ICA1: variants seen among roughly 807,000 people sequenced by gnomAD.
ICA1 encodes the protein islet cell autoantigen 1.
In ICA1, 40 loss-of-function variants were observed where a neutral mutation model predicts 71.0. The observed-to-expected ratio is 0.56, with a 90% CI of 0.44 to 0.73. The LOEUF is 0.73. ICA1 is among the 30% of genes least tolerant of loss of function. The pLI is 0.00. For synonymous variants in ICA1, 207 were observed against 209.5 expected (o/e 0.99, Z 0.10); for missense variants, 578 against 576.5 (o/e 1.00, Z -0.03).
At chr7:8,188,028 C>G (rs891857888) in intron 6 of ICA1, among the ~76,000 whole-genome samples, 1 of 152,180 alleles carries the variant, frequency 6.6e-6, no homozygotes, top group African/African-American at 2.4e-5. Flanking sequence ...AGGAGATGCT[C>G]ACTGCAGAGA....
intron 13 of ICA1, among the ~76,000 whole-genome samples, chr7:8,127,611 G>T (rs535125628): frequency 6.6e-6 from 1 of 152,176 alleles, no homozygotes; most frequent in East Asian, 1.9e-4. Flanking sequence ...TATGCCACAA[G>T]AAGTCTAAAA....
chr7:8,193,052 G>T (rs1786245673), intron 6 of ICA1, among the ~76,000 whole-genome samples: 1 of 152,156 alleles, frequency 6.6e-6, no homozygotes, highest in South Asian at 2.1e-4. Flanking sequence ...TAGAAACAAA[G>T]ATCTGGTTTC....
chr7:8,118,815 C>T (rs1410957081), intron 13 of ICA1, among the ~76,000 whole-genome samples: 2 of 152,196 alleles, frequency 1.3e-5, no homozygotes, highest in Non-Finnish European at 2.9e-5. Context: ...CTGCAGCTTG[C>T]CCTCAGTCTC....
chr7:8,146,491 A>G (rs1331250325), intron 8 of ICA1, among the ~76,000 whole-genome samples: 1 of 152,136 alleles, frequency 6.6e-6, no homozygotes, highest in Non-Finnish European at 1.5e-5. Flanking sequence ...ATATTCATCA[A>G]TATTTAACAT....
intron 4 of ICA1, among the ~76,000 whole-genome samples, chr7:8,224,236 T>A (rs1797948025): frequency 6.6e-6 from 1 of 152,082 alleles, no homozygotes; most frequent in Admixed American, 6.6e-5. Context: ...TAGGCTGAGT[T>A]CTGAATGACG....
intron 9 of ICA1, among the ~76,000 whole-genome samples, chr7:8,143,426 C>T (rs960824433): frequency 6.6e-6 from 1 of 152,300 alleles, no homozygotes; most frequent in South Asian, 2.1e-4. Flanking sequence ...TATGATGATG[C>T]CTTAGTATGC....
chr7:8,115,543 C>T (rs538782498), intron 13 of ICA1, among the ~76,000 whole-genome samples: 2 of 152,284 alleles, frequency 1.3e-5, no homozygotes, highest in South Asian at 2.1e-4. Flanking sequence ...ATGGCCTTGC[C>T]GTGAGGAGCC....
At chr7:8,247,771 G>A (rs1806606983) in intron 1 of ICA1, among the ~76,000 whole-genome samples, 1 of 152,134 alleles carries the variant, frequency 6.6e-6, no homozygotes, top group Non-Finnish European at 1.5e-5. Context: ...CTTTTTCTAT[G>A]CATTTCTTCA....
At chr7:8,209,443 C>T (rs1024739150) in intron 6 of ICA1, among the ~76,000 whole-genome samples, 2 of 152,134 alleles carry the variant, frequency 1.3e-5, no homozygotes, top group East Asian at 3.8e-4. Flanking sequence ...CAAATGACTC[C>T]TCGCTTGCAT....
intron 6 of ICA1, among the ~76,000 whole-genome samples, chr7:8,206,732 TGAAAAAAAAA>T (rs1246509505): frequency 1.4e-5 from 1 of 71,510 alleles, no homozygotes; most frequent in Non-Finnish European, 2.3e-5. Flanking sequence ...AGGTTTAAAA[TGAAAAAAAAA>T]AAAAAAAAAA....
intron 6 of ICA1, among the ~76,000 whole-genome samples, chr7:8,188,992 A>G (rs1411850733): frequency 6.6e-6 from 1 of 152,174 alleles, no homozygotes; most frequent in African/African-American, 2.4e-5. Context: ...ACCCTGGGAG[A>G]GGAGTCAATT....
At chr7:8,241,894 A>C (rs914203907) in intron 1 of ICA1, among the ~76,000 whole-genome samples, 3 of 152,232 alleles carry the variant, frequency 2.0e-5, no homozygotes, top group Non-Finnish European at 4.4e-5. Context: ...CACCCAATAC[A>C]AGAGCACCCA....
chr7:8,183,656 G>A (rs1295637398), intron 6 of ICA1, among the ~76,000 whole-genome samples: 1 of 152,120 alleles, frequency 6.6e-6, no homozygotes, highest in Non-Finnish European at 1.5e-5. Flanking sequence ...CATTAGATCT[G>A]GAAAATAAGC....
chr7:8,166,681 A>T (rs1245174317), intron 6 of ICA1, among the ~76,000 whole-genome samples: 2 of 152,216 alleles, frequency 1.3e-5, no homozygotes, highest in Non-Finnish European at 2.9e-5. Flanking sequence ...CAGCAAAAGA[A>T]ACTATCAACA....
chr7:8,218,248 A>C (rs1795974172), intron 6 of ICA1, 57 bp downstream of exon 6: 1 of 1,464,566 alleles, frequency 6.8e-7, no homozygotes. Flanking sequence ...GATTCAAATC[A>C]CACCTCATTA....
chr7:8,168,050 C>A (rs913747168), intron 6 of ICA1, among the ~76,000 whole-genome samples: 2 of 151,076 alleles, frequency 1.3e-5, no homozygotes, highest in Admixed American at 6.6e-5. Context: ...GAGAGAGAGA[C>A]GGAGAGACTG....
intron 6 of ICA1, among the ~76,000 whole-genome samples, chr7:8,210,344 A>G (rs1793227850): frequency 6.6e-6 from 1 of 152,180 alleles, no homozygotes; most frequent in African/African-American, 2.4e-5. Flanking sequence ...ATGTGCTTAA[A>G]TGTCTGTCAT....
chr7:8,210,157 T>C (rs1344622776), intron 6 of ICA1, among the ~76,000 whole-genome samples: 2 of 152,162 alleles, frequency 1.3e-5, no homozygotes, highest in African/African-American at 2.4e-5. Context: ...GTCCTTTAAA[T>C]TGAGGAAGAT....
intron 13 of ICA1, among the ~76,000 whole-genome samples, chr7:8,126,020 G>C (rs1450537146): frequency 6.6e-6 from 1 of 152,186 alleles, no homozygotes; most frequent in Non-Finnish European, 1.5e-5. Context: ...CCCCACTGTG[G>C]GCACTGAGAT....
Sources: gnomAD v4.1 joint callset for allele counts (sites outside exome capture counted in the v4.1 genomes callset) on GRCh38, gnomAD v4.1.1 for gene constraint, MANE v1.5 for transcripts, NCBI Gene and HGNC (gene_info 2026-07-23, HGNC 2026-07-21) for gene names.